Variants in PIP5K1A observed in about 807,000 individuals in gnomAD.
PIP5K1A encodes the protein phosphatidylinositol-4-phosphate 5-kinase type 1 alpha.
PIP5K1A carries 46 observed loss-of-function variants against 72.9 expected under a neutral mutation model. The ratio of observed to expected loss-of-function variants is 0.63; its 90% CI spans 0.50 to 0.81. PIP5K1A has a LOEUF of 0.81. Ranked by LOEUF, PIP5K1A falls within the 30% of genes least tolerant of loss-of-function variation. The probability of loss-of-function intolerance (pLI) is 0.00; values close to 1 mark genes in which losing one functional copy is unlikely to be tolerated. For synonymous variants in PIP5K1A, 228 were observed against 255.1 expected, an observed-to-expected ratio of 0.89 and a Z score of 1.01; for missense variants, 458 against 706.1, an observed-to-expected ratio of 0.65 and a Z score of 3.98.
chr1:151,207,602 G>C (rs1271572075), intron 1 of PIP5K1A, among the ~76,000 whole-genome samples: 1 of 151,242 alleles, frequency 6.6e-6, no homozygotes, highest in Admixed American at 6.6e-5. Flanking sequence ...CGTGATCTCG[G>C]CTCACTGTGA....
chr1:151,212,903 T>C (rs1311714453), intron 1 of PIP5K1A, among the ~76,000 whole-genome samples: 1 of 149,714 alleles, frequency 6.7e-6, no homozygotes, highest in Non-Finnish European at 1.5e-5. Flanking sequence ...TTTTTTTCTT[T>C]TTTTTGAGAC....
intron 1 of PIP5K1A, among the ~76,000 whole-genome samples, chr1:151,203,988 G>C (rs1685574990): frequency 6.6e-6 from 1 of 151,958 alleles, no homozygotes; most frequent in African/African-American, 2.4e-5. Context: ...CTGCTTACCT[G>C]ACTTTTTCTC....
chr1:151,225,733 G>A lies in PIP5K1A; in HGVS notation c.156+1327G>A, dbSNP rs1187089194. Among the ~76,000 whole-genome samples, 6 of 151,728 alleles carry A rather than the reference G, an allele frequency of 4.0e-5. No homozygotes were observed. The South Asian group carries it at 6.2e-4, about 16-fold the overall frequency. ...GATCCACCCGCCTTGGCCTCCCAAT[G>A]TGCTGGGATTACAGGTGTGAGCCAC... is the stretch of plus-strand genomic sequence containing the variant. On this transcript the variant is annotated intron_variant, in intron 3 of 15. Transcript: ENST00000368888.
rs748489655 is a variant in PIP5K1A, at chr1:151,234,378, G to A, written c.821G>A (p.Arg274Gln). The A allele has an allele frequency of 3.1e-6, 5 of 1,613,784 alleles. No individual in the cohort carries two copies. The South Asian group carries it at 5.5e-5, about 18-fold the overall frequency. Residue 274 changes from arginine (R) to glutamine (Q), a missense_variant, in exon 8 of 16, where the codon CGA (arginine) becomes CAA (glutamine). By Grantham distance (43) the Arg-to-Gln change is conservative. Transcript: ENST00000368888. ...AAACGGCGGGCTTCCCAGAAAGAGC[G>A]AGAGAAGCCTCTTCCCACATTTAAA... ...TYKRRASQKEREKPLPTFKDL... is the reference protein window; with the variant it reads ...TYKRRASQKEQEKPLPTFKDL...
chr1:151,236,903 C>T, intron 9 of PIP5K1A, 140 bp downstream of exon 9: 1 of 621,376 alleles, frequency 1.6e-6, no homozygotes. Flanking sequence ...TCTCAGCCTA[C>T]TACTACCTCC....
chr1:151,195,884 A>ATATTT (rs1684540946), upstream of PIP5K1A, among the ~76,000 whole-genome samples: 1 of 62,294 alleles, frequency 1.6e-5, no homozygotes, highest in Admixed American at 2.9e-4. Flanking sequence ...ACACCAGCCG[A>ATATTT]TTTTTTTTTT....
chr1:151,239,805 G>A, intron 11 of PIP5K1A, 150 bp from the exon 12 acceptor site: 1 of 647,292 alleles, frequency 1.5e-6, no homozygotes, highest in East Asian at 2.7e-5. Context: ...TAGGATTACA[G>A]GTGTGAGCCA....
Position 151,232,139 on chromosome 1 carries a change from G to A in PIP5K1A, c.369-109G>A, listed in dbSNP as rs1169670384. The A allele has an allele frequency of 9.2e-6, 7 of 760,946 alleles. No individual in the cohort carries two copies. The African/African-American group carries it at 1.0e-4, about 11-fold the overall frequency. The allele number at this position is 760,946 out of a possible 1,614,324, so 47.1% of individuals were successfully genotyped here. ...GGGCTGTGATTATCTTAGGAGGAAT[G>A]TATTCCCCCACTCCCCCCACCATGA... On this transcript the variant is annotated intron_variant, in intron 5 of 15. Transcript: ENST00000368888.
chr1:151,243,483 G>A (rs1289760816), intron 14 of PIP5K1A, among the ~76,000 whole-genome samples: 1 of 151,810 alleles, frequency 6.6e-6, no homozygotes, highest in African/African-American at 2.4e-5. Flanking sequence ...GTACATAAAA[G>A]GGGAGAATGG....
At chr1:151,221,610 ATGT>A (rs1688408268) in intron 1 of PIP5K1A, among the ~76,000 whole-genome samples, 1 of 152,316 alleles carries the variant, frequency 6.6e-6, no homozygotes, top group South Asian at 2.1e-4. Flanking sequence ...GTACATTTTA[ATGT>A]TGTTTCCCTG....
intron 11 of PIP5K1A, 126 bp downstream of exon 11, chr1:151,239,304 A>T: frequency 1.7e-6 from 1 of 592,954 alleles, no homozygotes. Context: ...ACAGGGTCTC[A>T]CTCTGTCACC....
At chr1:151,223,024 C>T (rs952760475) in intron 1 of PIP5K1A, among the ~76,000 whole-genome samples, 2 of 150,864 alleles carry the variant, frequency 1.3e-5, no homozygotes, top group African/African-American at 4.9e-5. Flanking sequence ...ACCAGCCCAG[C>T]CAAGATGGTG....
intron 8 of PIP5K1A, among the ~76,000 whole-genome samples, chr1:151,236,320 TAAA>T (rs1690852262): frequency 6.7e-6 from 1 of 149,548 alleles, no homozygotes; most frequent in Non-Finnish European, 1.5e-5. Flanking sequence ...CTATGAAAAA[TAAA>T]AAATTAGGCA....
rs116573126 is a variant in PIP5K1A, at chr1:151,204,076, T to C, written c.85+4995T>C. ...TTGGGACTTTTATAGTAGGGACAGC[T>C]TCATCAGTCTGTGATTCTGATTGCT... On this transcript the variant is annotated intron_variant, in intron 1 of 15. Coordinates refer to ENST00000368888, the MANE Select transcript of PIP5K1A (RefSeq NM_001135638.2). Among the ~76,000 whole-genome samples the C allele has an allele frequency of 4.5e-3, 688 of 152,258 alleles. 6 individuals are homozygous for C. Among genetic ancestry groups the C allele is most frequent in the African/African-American group, 0.016 (653 of 41,570 alleles).
Position 151,242,116 on chromosome 1 carries a change from T to C in PIP5K1A, c.1364-7T>C. The C allele has an allele frequency of 6.2e-7, 1 of 1,614,140 alleles. No homozygotes were observed. On this transcript the variant is annotated splice_polypyrimidine_tract_variant and splice_region_variant and intron_variant, in intron 12 of 15. Transcript: ENST00000368888. ...TGCTAAGTAGGCTCTCTCTTTCCCTTTTGAAGTGAAGCCTTCTCCTTCCAA... is the reference window on the plus strand; with the variant it reads ...TGCTAAGTAGGCTCTCTCTTTCCCTCTTGAAGTGAAGCCTTCTCCTTCCAA...
intron 1 of PIP5K1A, among the ~76,000 whole-genome samples, chr1:151,200,200 CTG>C (rs1348552342): frequency 7.4e-6 from 1 of 135,840 alleles, no homozygotes. Flanking sequence ...GGGGGGGTGA[CTG>C]TAAGTGTTGT....
rs1684809742 is a variant in PIP5K1A, at chr1:151,199,012, T to G, written c.16T>G (p.Ser6Ala). The change falls in exon 1 of 16, where the codon TCC (serine) becomes GCC (alanine). Residue 6 changes from serine to alanine, a missense_variant. Ser to Ala is a moderately conservative substitution (Grantham distance 99, BLOSUM62 1). Around this residue, in one of 3 missense-constraint regions of PIP5K1A, gnomAD observed 81 missense variants for 88.0 expected, o/e 0.92. Transcript: ENST00000368888. ...GGCTGCTAAGATGGCGTCGGCCTCC[T>G]CCGGGCCGTCGTCTTCGGTCGGTTT... Reference protein sequence around the residue: MASASSGPSSSVGFSS... With the variant: MASASAGPSSSVGFSS... The G allele has an allele frequency of 6.2e-7, 1 of 1,614,102 alleles. No individual in the cohort carries two copies. The highest frequency in any genetic ancestry group is 1.3e-5 in the African/African-American group (1 of 75,062).
intron 9 of PIP5K1A, 110 bp from the exon 10 acceptor site, chr1:151,238,072 C>G (rs1691140839): frequency 1.5e-6 from 1 of 674,404 alleles, no homozygotes; most frequent in East Asian, 2.6e-5. Context: ...ATTATCTGAC[C>G]TTCTGGTTTA....
rs772215624 is a variant in PIP5K1A at position 151,224,996 on chromosome 1, A to G, written c.156+590A>G. Reference sequence around the variant, plus strand: ...GATATACTGAGAGTTTTCTGGTACTAAGGGCCTTGGCTAAAAGAATAGAAC... The same window carrying G: ...GATATACTGAGAGTTTTCTGGTACTGAGGGCCTTGGCTAAAAGAATAGAAC... On this transcript the variant is annotated intron_variant, in intron 3 of 15. Coordinates refer to ENST00000368888, the MANE Select transcript of PIP5K1A (RefSeq NM_001135638.2). Among the ~76,000 whole-genome samples the G allele has an allele frequency of 1.3e-4, 20 of 152,246 alleles. 2 individuals are homozygous for G. The highest frequency in any genetic ancestry group is 7.7e-4 in the East Asian group (4 of 5,180).
Sources: allele counts gnomAD v4.1 joint callset (sites outside exome capture counted in the v4.1 genomes callset), GRCh38; gene constraint gnomAD v4.1.1; regional missense constraint gnomAD v4.1.1; transcripts MANE v1.5; gene names NCBI Gene and HGNC (gene_info 2026-07-23, HGNC 2026-07-21).